The following ADGRL3 variants were observed in gnomAD, a reference collection of about 807,000 sequenced individuals.
ADGRL3 encodes calcium-independent alpha-latrotoxin receptor 3.
In ADGRL3, 62 loss-of-function variants were observed where a neutral mutation model predicts 153.5. The ratio of observed to expected loss-of-function variants is 0.40; its 90% CI spans 0.33 to 0.50. ADGRL3 has a LOEUF of 0.50. ADGRL3 is among the 20% of genes least tolerant of loss of function. The probability of loss-of-function intolerance (pLI) is 0.47; values close to 1 mark genes in which losing one functional copy is unlikely to be tolerated. For missense variants in ADGRL3, 1,641 were observed against 1,859.4 expected (o/e 0.88, Z 2.16); for synonymous variants, 710 against 672.5 (o/e 1.06, Z -0.86).
intron 5 of ADGRL3, among the ~76,000 whole-genome samples, chr4:61,640,583 G>A (rs1376360826): frequency 6.6e-6 from 1 of 152,112 alleles, no homozygotes; most frequent in Non-Finnish European, 1.5e-5. Flanking sequence ...CTATGATGGT[G>A]AGAACTATGT....
Position 61,842,068 on chromosome 4 carries a change from T to A in ADGRL3, c.1480+28179T>A, listed in dbSNP as rs189899002. The stretch of plus-strand genomic sequence containing the variant: ...AGCCTAATTTAAATCTGCTTTTTTT[T>A]AAATGTACAACAGAATTTCATAACA... On this transcript the variant is annotated intron_variant, in intron 9 of 26. Coordinates refer to ENST00000683033, the MANE Select transcript of ADGRL3 (RefSeq NM_001387552.1). Among the ~76,000 whole-genome samples the A allele has an allele frequency of 9.3e-4, 141 of 152,346 alleles. 3 individuals carry two copies. Among genetic ancestry groups the A allele is most frequent in the East Asian group, 1.2e-3 (6 of 5,184 alleles).
intron 2 of ADGRL3, among the ~76,000 whole-genome samples, chr4:61,433,718 A>G (rs2097405475): frequency 6.6e-6 from 1 of 152,214 alleles, no homozygotes; most frequent in East Asian, 1.9e-4. Context: ...ACGTGTGTTG[A>G]GTTTCCTTCT....
At chr4:61,341,121 T>C (rs760786335) in intron 1 of ADGRL3, among the ~76,000 whole-genome samples, 1 of 151,966 alleles carries the variant, frequency 6.6e-6, no homozygotes, top group African/African-American at 2.4e-5. Flanking sequence ...CATTTACCTA[T>C]CCTTCATTTT....
chr4:62,069,129 A>G (rs935001429), intron 26 of ADGRL3, among the ~76,000 whole-genome samples: 8 of 152,260 alleles, frequency 5.3e-5, no homozygotes, highest in South Asian at 4.1e-4. Context: ...TGTTCATTCA[A>G]TGGAATGCAA....
intron 5 of ADGRL3, among the ~76,000 whole-genome samples, chr4:61,665,876 A>G (rs2094776077): frequency 6.6e-6 from 1 of 152,142 alleles, no homozygotes; most frequent in Non-Finnish European, 1.5e-5. Context: ...GAGATAAAAC[A>G]TGTATGGAGA....
At chr4:61,640,543 C>T (rs2093619098) in intron 5 of ADGRL3, among the ~76,000 whole-genome samples, 1 of 152,052 alleles carries the variant, frequency 6.6e-6, no homozygotes, top group South Asian at 2.1e-4. Context: ...ATTTATTTAT[C>T]CATATCCGTC....
intron 5 of ADGRL3, among the ~76,000 whole-genome samples, chr4:61,636,385 G>A (rs1198351611): frequency 6.6e-6 from 1 of 152,166 alleles, no homozygotes; most frequent in Admixed American, 6.5e-5. Flanking sequence ...GGGCTTATTT[G>A]AAATGGTGTA....
rs145324996 is a variant in ADGRL3 at position 61,296,854 on chromosome 4, A to G, written c.-239-86270A>G. On this transcript the variant is annotated intron_variant, in intron 1 of 26. Transcript: ENST00000683033. ...AGAAGCAATGCTCAAATATGTGATTAATATTTCCATTCTTTGACTCACTTA... is the reference window on the plus strand; with the variant it reads ...AGAAGCAATGCTCAAATATGTGATTGATATTTCCATTCTTTGACTCACTTA... Among the ~76,000 whole-genome samples the G allele has an allele frequency of 8.6e-4, 131 of 152,322 alleles. 1 individual carries two copies. In the East Asian group the frequency reaches 0.023, roughly 27 times the overall value.
chr4:61,874,775 G>A (rs1291702726), intron 9 of ADGRL3, among the ~76,000 whole-genome samples: 2 of 130,402 alleles, frequency 1.5e-5, no homozygotes, highest in Non-Finnish European at 3.2e-5. Flanking sequence ...TATTTTCAAC[G>A]ACATCAAAAT....
At chr4:61,722,760 T>G (rs1361888047) in intron 6 of ADGRL3, among the ~76,000 whole-genome samples, 1 of 152,160 alleles carries the variant, frequency 6.6e-6, no homozygotes, top group African/African-American at 2.4e-5. Flanking sequence ...AAAATTGGAA[T>G]GCCAATTAAT....
At chr4:61,505,714 C>T (rs1020477468) in intron 3 of ADGRL3, among the ~76,000 whole-genome samples, 3 of 151,884 alleles carry the variant, frequency 2.0e-5, no homozygotes, top group East Asian at 1.9e-4. Context: ...CTGCAAATTG[C>T]TGAATGCCTC....
intron 25 of ADGRL3, among the ~76,000 whole-genome samples, chr4:62,052,320 T>G (rs1230110363): frequency 1.3e-5 from 2 of 151,634 alleles, no homozygotes; most frequent in African/African-American, 4.8e-5. Context: ...TTTTATCACC[T>G]AATATGGAAA....
intron 21 of ADGRL3, among the ~76,000 whole-genome samples, chr4:62,011,777 A>C (rs548950033): frequency 2.0e-5 from 3 of 152,156 alleles, no homozygotes; most frequent in Non-Finnish European, 4.4e-5. Flanking sequence ...TTCACCAGTT[A>C]GTTATTACTT....
At chr4:61,766,132 G>GTCAT (rs1420041867) in intron 8 of ADGRL3, among the ~76,000 whole-genome samples, 1 of 152,064 alleles carries the variant, frequency 6.6e-6, no homozygotes, top group Non-Finnish European at 1.5e-5. Flanking sequence ...GAGAGATACA[G>GTCAT]TCATGGGGGT....
At chr4:61,325,346 A>T (rs138952935) in intron 1 of ADGRL3, among the ~76,000 whole-genome samples, 44 of 152,262 alleles carry the variant, frequency 2.9e-4, no homozygotes, top group African/African-American at 9.6e-4. Context: ...AACAAAAAAT[A>T]GCATGTAGAC....
At chr4:61,359,815 C>T (rs1038123193) in intron 1 of ADGRL3, among the ~76,000 whole-genome samples, 1 of 152,048 alleles carries the variant, frequency 6.6e-6, no homozygotes, top group Non-Finnish European at 1.5e-5. Flanking sequence ...AAATGCCTAG[C>T]ACATGGAAAC....
At chr4:61,906,190 C>T (rs1194793689) in intron 11 of ADGRL3, 2 of 151,704 alleles carry the variant, frequency 1.3e-5, no homozygotes, top group South Asian at 2.1e-4. Context: ...TATTTATTAG[C>T]ATATATATGT....
At chr4:61,281,299 C>A (rs543674738) in intron 1 of ADGRL3, among the ~76,000 whole-genome samples, 150 of 152,098 alleles carry the variant, frequency 9.9e-4, no homozygotes, top group African/African-American at 3.4e-3. Flanking sequence ...TTGTCCATTG[C>A]TGCTATTATT....
At chr4:61,345,622 A>G (rs2095885553) in intron 1 of ADGRL3, among the ~76,000 whole-genome samples, 1 of 152,220 alleles carries the variant, frequency 6.6e-6, no homozygotes, top group African/African-American at 2.4e-5. Flanking sequence ...TTATTAACTC[A>G]TTAAGGAAAT....
Sources: gnomAD v4.1 joint callset for allele counts (sites outside exome capture counted in the v4.1 genomes callset) on GRCh38, gnomAD v4.1.1 for gene constraint, MANE v1.5 for transcripts, NCBI Gene and HGNC (gene_info 2026-07-23, HGNC 2026-07-21) for gene names.